KLHL3: variants seen among roughly 807,000 people sequenced by gnomAD.
KLHL3 encodes kelch like family member 3.
Under a neutral mutation model 70.5 loss-of-function variants are expected in KLHL3, and 19 were observed. The ratio of observed to expected loss-of-function variants is 0.27; its 90% CI spans 0.19 to 0.40. The LOEUF (loss-of-function observed/expected upper bound fraction) is 0.40, where lower values mean the gene tolerates loss of function less well. Ranked by LOEUF, KLHL3 falls within the 10% of genes least tolerant of loss-of-function variation. The pLI is 1.00. For synonymous variants in KLHL3, 258 were observed against 290.3 expected (o/e 0.89, Z 1.13); for missense variants, 512 against 771.1 (o/e 0.66, Z 3.98).
chr5:137,671,974 A>G (rs1751771305), intron 6 of KLHL3: 1 of 152,132 alleles, frequency 6.6e-6, no homozygotes, highest in Admixed American at 6.5e-5. Context: ...AAAAATGATG[A>G]GTGAAACATA....
At chr5:137,685,447 T>A (rs971142719) in intron 5 of KLHL3, among the ~76,000 whole-genome samples, 6 of 152,200 alleles carry the variant, frequency 3.9e-5, no homozygotes, top group Non-Finnish European at 7.3e-5. Context: ...TGCTTTCTGT[T>A]GTGTAAGTTA....
rs1752795501 is a variant in KLHL3 at position 137,711,740 on chromosome 5, A to C, written c.135-1884T>G. On this transcript the variant is annotated intron_variant, in intron 2 of 14. Transcript: ENST00000309755. ...CCTGTTTTAGCTGCCTTTGGGACATATATCATGGGGGCCAAATGGGATTAC... is the reference window on the plus strand; with the variant it reads ...CCTGTTTTAGCTGCCTTTGGGACATCTATCATGGGGGCCAAATGGGATTAC... Among the ~76,000 whole-genome samples the C allele has an allele frequency of 2.0e-5, 3 of 152,276 alleles. No homozygotes were observed. The South Asian group carries it at 6.2e-4, about 32-fold the overall frequency.
intron 1 of KLHL3, among the ~76,000 whole-genome samples, chr5:137,732,879 C>A (rs1289463408): frequency 1.3e-5 from 2 of 152,062 alleles, no homozygotes; most frequent in Non-Finnish European, 2.9e-5. Flanking sequence ...AAAATTAGTT[C>A]TGAAAAAAAT....
At chr5:137,735,543 C>A in intron 1 of KLHL3, 90 bp downstream of exon 1, 1 of 1,006,078 alleles carries the variant, frequency 9.9e-7, no homozygotes, top group Admixed American at 1.7e-5. Context: ...CTCTGCCTAG[C>A]CAATGCAAAC....
intron 2 of KLHL3, among the ~76,000 whole-genome samples, chr5:137,714,568 C>T (rs1561617901): frequency 6.6e-6 from 1 of 152,102 alleles, no homozygotes; most frequent in East Asian, 1.9e-4. Context: ...GATTTTAAAA[C>T]AGGCAAATCT....
intron 2 of KLHL3, among the ~76,000 whole-genome samples, chr5:137,720,075 G>A (rs895338118): frequency 1.3e-5 from 2 of 152,182 alleles, no homozygotes; most frequent in African/African-American, 4.8e-5. Context: ...GCTGAGGCAG[G>A]CAGATCACAA....
At chr5:137,710,007 G>C in intron 2 of KLHL3, 151 bp from the exon 3 acceptor site, 1 of 663,452 alleles carries the variant, frequency 1.5e-6, no homozygotes, top group Non-Finnish European at 2.7e-6. Flanking sequence ...AGGGAGGGGG[G>C]TGGATTCATT....
intron 1 of KLHL3, among the ~76,000 whole-genome samples, chr5:137,733,663 C>G (rs1753215423): frequency 2.6e-5 from 4 of 152,126 alleles, no homozygotes; most frequent in Admixed American, 2.6e-4. Context: ...TTAGAATAAC[C>G]TTGATAGATA....
chr5:137,724,376 A>C (rs1356126267), intron 1 of KLHL3, among the ~76,000 whole-genome samples: 1 of 152,250 alleles, frequency 6.6e-6, no homozygotes, highest in East Asian at 1.9e-4. Context: ...CAGTGTGGCT[A>C]GTGAACAGGA....
intron 8 of KLHL3, among the ~76,000 whole-genome samples, chr5:137,648,279 C>G (rs1034442446): frequency 6.6e-6 from 1 of 152,226 alleles, no homozygotes; most frequent in African/African-American, 2.4e-5. Flanking sequence ...ATCCCATCCA[C>G]CCTGTCAACA....
chr5:137,678,307 G>A (rs1751937427), intron 5 of KLHL3, among the ~76,000 whole-genome samples: 1 of 152,094 alleles, frequency 6.6e-6, no homozygotes, highest in Admixed American at 6.6e-5. Context: ...GGGAAATTTG[G>A]TGACAACTAG....
At chr5:137,711,765 C>T (rs1478526989) in intron 2 of KLHL3, among the ~76,000 whole-genome samples, 1 of 152,176 alleles carries the variant, frequency 6.6e-6, no homozygotes, top group Non-Finnish European at 1.5e-5. Flanking sequence ...AATGGGATTA[C>T]AGGTGCCATC....
intron 12 of KLHL3, chr5:137,628,942 T>C (rs1486921918): frequency 6.6e-6 from 1 of 152,198 alleles, no homozygotes; most frequent in Non-Finnish European, 1.5e-5. Flanking sequence ...CTCATCCTTA[T>C]ATTAGTTGAG....
At chr5:137,663,113 A>C (rs1318359633) in intron 6 of KLHL3, among the ~76,000 whole-genome samples, 1 of 129,560 alleles carries the variant, frequency 7.7e-6, no homozygotes, top group Admixed American at 9.8e-5. Flanking sequence ...GCTGGAGTGC[A>C]GTGGCACGAT....
intron 6 of KLHL3, chr5:137,672,689 A>G (rs1751790472): frequency 6.6e-6 from 1 of 152,192 alleles, no homozygotes; most frequent in East Asian, 1.9e-4. Context: ...CCAAAATTCA[A>G]AGAAGTCCAG....
chr5:137,662,100 A>T, intron 6 of KLHL3, 69 bp from the exon 7 acceptor site: 10 of 293,846 alleles, frequency 3.4e-5, no homozygotes, highest in Non-Finnish European at 4.8e-5. Flanking sequence ...CTCAATCTGT[A>T]AAAAAAAAAA....
intron 8 of KLHL3, among the ~76,000 whole-genome samples, chr5:137,656,936 G>A (rs999138239): frequency 6.6e-6 from 1 of 152,220 alleles, no homozygotes; most frequent in Non-Finnish European, 1.5e-5. Flanking sequence ...ATAAAACTAG[G>A]ATAACTATCT....
At chr5:137,632,276 A>C (rs1422084213) in intron 12 of KLHL3, among the ~76,000 whole-genome samples, 1 of 152,252 alleles carries the variant, frequency 6.6e-6, no homozygotes. Flanking sequence ...GGCTATAGTA[A>C]CTAAAACAGC....
chr5:137,668,154 G>A (rs561085148), intron 6 of KLHL3, among the ~76,000 whole-genome samples: 14 of 152,196 alleles, frequency 9.2e-5, no homozygotes, highest in Non-Finnish European at 1.8e-4. Context: ...TGTAATCCCA[G>A]TACTGTGGGA....
Sources: gnomAD v4.1 joint callset for allele counts (sites outside exome capture counted in the v4.1 genomes callset) on GRCh38, gnomAD v4.1.1 for gene constraint, MANE v1.5 for transcripts, NCBI Gene and HGNC (gene_info 2026-07-23, HGNC 2026-07-21) for gene names.